The following PROS1 variants were observed in gnomAD, a reference collection of about 807,000 sequenced individuals.
PROS1 encodes the protein vitamin K-dependent protein S.
In PROS1, 29 loss-of-function variants were observed where a neutral mutation model predicts 75.9. That is an observed-to-expected ratio of 0.38 (90% CI 0.28 to 0.52). The LOEUF (loss-of-function observed/expected upper bound fraction) is 0.52, where lower values mean the gene tolerates loss of function less well. PROS1 is among the 20% of genes least tolerant of loss of function. The pLI is 0.83. For missense variants in PROS1, 680 were observed against 810.3 expected (o/e 0.84, Z 1.95); for synonymous variants, 245 against 280.6 (o/e 0.87, Z 1.27).
At chr3:93,927,445 T>C (rs750045050) in intron 1 of PROS1, 38 bp from the exon 2 acceptor site, 3 of 1,596,094 alleles carry the variant, frequency 1.9e-6, no homozygotes, top group Non-Finnish European at 2.6e-6. Flanking sequence ...TTAATCATTT[T>C]TCCATGTAAA....
intron 2 of PROS1, among the ~76,000 whole-genome samples, chr3:93,926,676 A>C (rs1233445917): frequency 1.3e-5 from 2 of 152,156 alleles, no homozygotes; most frequent in Non-Finnish European, 2.9e-5. Flanking sequence ...AATTTAATGA[A>C]GCATTGTAAT....
At chr3:93,932,534 G>A (rs550670196) in intron 1 of PROS1, among the ~76,000 whole-genome samples, 38 of 152,274 alleles carry the variant, frequency 2.5e-4, no homozygotes, top group African/African-American at 9.1e-4. Flanking sequence ...GTACAACTGA[G>A]TCAACTTGAT....
chr3:93,973,294 C>G (rs562573313), intron 1 of PROS1, among the ~76,000 whole-genome samples: 1 of 152,230 alleles, frequency 6.6e-6, no homozygotes, highest in East Asian at 1.9e-4. Context: ...GGCGCTTGGA[C>G]AAAGGGAAGA....
rs139917569 is a variant in PROS1, at chr3:93,876,310, C to G, written c.1870+656G>C. 6.3e-3 allele frequency among the ~76,000 whole-genome samples: 956 copies of G among 152,230 alleles called. 3 individuals are homozygous for G. The highest frequency in any genetic ancestry group is 0.016 in the South Asian group (75 of 4,822). On this transcript the variant is annotated intron_variant, in intron 14 of 14. Transcript: ENST00000394236. ...AGTTGATGGTAGTTAGATACTACAA[C>G]TATTGTCACTGCTCACGCCTGTAAT...
intron 12 of PROS1, 46 bp from the exon 13 acceptor site, chr3:93,879,360 G>T (rs1361827997): frequency 6.3e-7 from 1 of 1,596,166 alleles, no homozygotes. Context: ...CACTCCTAAA[G>T]TGCATCAGAA....
intron 1 of PROS1, among the ~76,000 whole-genome samples, chr3:93,966,809 CAAAAA>C (rs752321696): frequency 3.9e-5 from 3 of 76,536 alleles, no homozygotes; most frequent in Admixed American, 3.0e-4. Context: ...GACTCTGTTC[CAAAAA>C]AAAAAAAAAA....
intron 1 of PROS1, among the ~76,000 whole-genome samples, chr3:93,953,280 A>T (rs1476345429): frequency 6.6e-6 from 1 of 152,212 alleles, no homozygotes; most frequent in Non-Finnish European, 1.5e-5. Flanking sequence ...CAACAAAAAA[A>T]GAGAATTGTA....
At chr3:93,934,875 A>T (rs1419618040) in intron 1 of PROS1, among the ~76,000 whole-genome samples, 4 of 152,150 alleles carry the variant, frequency 2.6e-5, no homozygotes, top group Non-Finnish European at 5.9e-5. Flanking sequence ...AACAGAAGTG[A>T]AACGGACCTC....
In PROS1 at chr3:93,970,612, G is replaced by T. The variant is rs1709864224; in HGVS notation, c.76+3062C>A. Among the ~76,000 whole-genome samples the T allele has an allele frequency of 2.0e-5, 3 of 151,886 alleles. No homozygotes were observed. In the South Asian group the frequency reaches 6.2e-4, roughly 32 times the overall value. ...TCCTCCTCAGCCTCCCAAAGTGCTGGGATTACAGGCATGAGCGGCTATGAC... is the reference window on the plus strand; with the variant it reads ...TCCTCCTCAGCCTCCCAAAGTGCTGTGATTACAGGCATGAGCGGCTATGAC... On this transcript the variant is annotated intron_variant, in intron 1 of 14. Coordinates refer to ENST00000394236, the MANE Select transcript of PROS1 (RefSeq NM_000313.4).
intron 1 of PROS1, among the ~76,000 whole-genome samples, chr3:93,945,802 T>C (rs1185399598): frequency 6.6e-6 from 1 of 152,188 alleles, no homozygotes; most frequent in Admixed American, 6.5e-5. Context: ...TTGGAAGTTC[T>C]GGCCTGGGCA....
intron 6 of PROS1, among the ~76,000 whole-genome samples, chr3:93,902,246 T>G (rs1186647826): frequency 6.6e-6 from 1 of 152,058 alleles, no homozygotes; most frequent in Non-Finnish European, 1.5e-5. Flanking sequence ...TGCCTTGAAC[T>G]ATGATTGCAC....
intron 1 of PROS1, among the ~76,000 whole-genome samples, chr3:93,934,051 G>A (rs797008848): frequency 6.7e-6 from 1 of 150,166 alleles, no homozygotes; most frequent in African/African-American, 2.5e-5. Flanking sequence ...GTGGTGGTGG[G>A]CACCTCTAAT....
rs267606981 is a variant in PROS1 at position 93,874,245 on chromosome 3, T to C, written c.2031A>G (p.Ter677=). ...PSVWKKTKNS[*] ...GTATTATAAGCAGAGAAAAGATGCC[T>C]TAAGAATTCTTTGTCTTTTTCCAAA... The change falls in exon 15 of 15, where the codon TAA becomes TAG. Residue 677 remains the stop codon, a stop_retained_variant. Transcript: ENST00000394236. 3 of 1,613,312 alleles carry C rather than the reference T, an allele frequency of 1.9e-6. No individual in the cohort carries two copies. The highest frequency in any genetic ancestry group is 8.5e-7 in the Non-Finnish European group (1 of 1,179,416).
chr3:93,937,153 C>CAGTTT (rs1709195988), intron 1 of PROS1, among the ~76,000 whole-genome samples: 1 of 152,088 alleles, frequency 6.6e-6, no homozygotes, highest in East Asian at 1.9e-4. Context: ...AATCCGAGCT[C>CAGTTT]CCTGAGTGTA....
chr3:93,910,578 GT>G, intron 4 of PROS1, 40 bp downstream of exon 4: 1 of 1,513,558 alleles, frequency 6.6e-7, no homozygotes, highest in Non-Finnish European at 9.2e-7. Flanking sequence ...TACCTACAGA[GT>G]TTTTGTTTTG....
At chr3:93,879,368 G>A in intron 12 of PROS1, 54 bp from the exon 13 acceptor site, 1 of 1,567,304 alleles carries the variant, frequency 6.4e-7, no homozygotes, top group Non-Finnish European at 8.8e-7. Flanking sequence ...AAGTGCATCA[G>A]AAGGAATTAT....
intron 11 of PROS1, among the ~76,000 whole-genome samples, chr3:93,885,277 G>A (rs1708329922): frequency 6.6e-6 from 1 of 152,172 alleles, no homozygotes; most frequent in African/African-American, 2.4e-5. Flanking sequence ...TCTTGCTGGA[G>A]TGCAGTGGCA....
At position 93,973,771 on chromosome 3, in the gene PROS1, G is replaced by T. The variant is rs757542202; in HGVS notation, c.-22C>A. ...TCATTTCGAAGCGCGCGGAGGCGCCGGCAGGGACGGTGGCGCGTCGCGGCG... is the reference window on the plus strand; with the variant it reads ...TCATTTCGAAGCGCGCGGAGGCGCCTGCAGGGACGGTGGCGCGTCGCGGCG... On this transcript the variant is annotated 5_prime_UTR_variant, in exon 1 of 15. Coordinates refer to ENST00000394236, the MANE Select transcript of PROS1 (RefSeq NM_000313.4). 6.2e-7 allele frequency: 1 copy of T among 1,602,544 alleles called. No homozygotes were observed. Among genetic ancestry groups the T allele is most frequent in the South Asian group, 1.1e-5 (1 of 90,110 alleles).
At chr3:93,911,986 TAA>T (rs1708764967) in intron 3 of PROS1, among the ~76,000 whole-genome samples, 1 of 152,144 alleles carries the variant, frequency 6.6e-6, no homozygotes, top group African/African-American at 2.4e-5. Context: ...ACAGACAGAT[TAA>T]AAGATTCATT....
Sources: gnomAD v4.1 joint callset for allele counts (sites outside exome capture counted in the v4.1 genomes callset) on GRCh38, gnomAD v4.1.1 for gene constraint, MANE v1.5 for transcripts, NCBI Gene and HGNC (gene_info 2026-07-23, HGNC 2026-07-21) for gene names.